GRID2: variants seen among roughly 807,000 people sequenced by gnomAD.
GRID2 encodes glutamate receptor ionotropic, delta-2.
In GRID2, 33 loss-of-function variants were observed where a neutral mutation model predicts 114.8. That is an observed-to-expected ratio of 0.29 (90% CI 0.22 to 0.38). The LOEUF (loss-of-function observed/expected upper bound fraction) is 0.38. Among genes scored for constraint, GRID2 ranks in the 10% least tolerant of loss-of-function variants. The probability of loss-of-function intolerance (pLI) is 1.00; values close to 1 mark genes in which losing one functional copy is unlikely to be tolerated. For synonymous variants in GRID2, 505 were observed against 449.9 expected (o/e 1.12, Z -1.55); for missense variants, 1,184 against 1,257.7 (o/e 0.94, Z 0.89).
At chr4:93,407,160 G>A (rs1416082918) in intron 9 of GRID2, among the ~76,000 whole-genome samples, 1 of 152,108 alleles carries the variant, frequency 6.6e-6, no homozygotes, top group East Asian at 1.9e-4. Flanking sequence ...AAGAGGTTTT[G>A]ACCAATAGAG....
At chr4:93,570,178 C>T (rs1735809085) in intron 13 of GRID2, among the ~76,000 whole-genome samples, 1 of 152,176 alleles carries the variant, frequency 6.6e-6, no homozygotes, top group African/African-American at 2.4e-5. Context: ...TACTTGTCCA[C>T]AGTCACACAA....
At chr4:93,105,481 T>G (rs1208362297) in intron 3 of GRID2, among the ~76,000 whole-genome samples, 5 of 152,184 alleles carry the variant, frequency 3.3e-5, no homozygotes, top group African/African-American at 9.7e-5. Flanking sequence ...AATTAATTTT[T>G]GTATAAGGTG....
intron 1 of GRID2, among the ~76,000 whole-genome samples, chr4:93,802,121 C>T (rs776284955): frequency 6.6e-5 from 10 of 152,212 alleles, no homozygotes; most frequent in East Asian, 1.9e-4. Flanking sequence ...TTCTTTCTGC[C>T]GCAGGGCGTG....
intron 2 of GRID2, among the ~76,000 whole-genome samples, chr4:92,748,396 C>G (rs971007716): frequency 6.6e-6 from 1 of 152,064 alleles, no homozygotes; most frequent in African/African-American, 2.4e-5. Flanking sequence ...TTTCCCGCTA[C>G]TTTCCCAGGG....
intron 2 of GRID2, among the ~76,000 whole-genome samples, chr4:92,826,312 T>C (rs2149393204): frequency 6.6e-6 from 1 of 152,240 alleles, no homozygotes; most frequent in South Asian, 2.1e-4. Context: ...TAAGACTCTT[T>C]TGCTCTTTAC....
intron 12 of GRID2, among the ~76,000 whole-genome samples, chr4:93,493,356 TATC>T (rs1458596852): frequency 6.6e-6 from 1 of 151,770 alleles, no homozygotes; most frequent in Non-Finnish European, 1.5e-5. Flanking sequence ...ATATTACAAA[TATC>T]ATCTCATTTA....
chr4:93,712,083 C>T (rs1443117755), intron 14 of GRID2, among the ~76,000 whole-genome samples: 1 of 151,978 alleles, frequency 6.6e-6, no homozygotes, highest in Non-Finnish European at 1.5e-5. Flanking sequence ...TATCTTCCAC[C>T]ATTTTTGGCT....
intron 1 of GRID2, among the ~76,000 whole-genome samples, chr4:92,447,644 A>G (rs372831444): frequency 5.9e-5 from 9 of 152,230 alleles, no homozygotes; most frequent in African/African-American, 2.2e-4. Flanking sequence ...TTTATTTTTC[A>G]CAGTTTTGGA....
intron 1 of GRID2, among the ~76,000 whole-genome samples, chr4:92,432,125 G>A (rs1227219573): frequency 6.6e-6 from 1 of 152,106 alleles, no homozygotes; most frequent in African/African-American, 2.4e-5. Context: ...TGATTTGCCT[G>A]GAGCTAGGGG....
chr4:92,368,881 C>G (rs772032409), intron 1 of GRID2, among the ~76,000 whole-genome samples: 2 of 149,446 alleles, frequency 1.3e-5, no homozygotes, highest in Non-Finnish European at 3.0e-5. Flanking sequence ...GGAACTGACA[C>G]TTATGTAGCT....
intron 8 of GRID2, among the ~76,000 whole-genome samples, chr4:93,276,333 C>A (rs1442219113): frequency 1.3e-5 from 2 of 151,988 alleles, no homozygotes; most frequent in Non-Finnish European, 2.9e-5. Flanking sequence ...TACCAGTCCC[C>A]ACTATCTTGA....
intron 14 of GRID2, among the ~76,000 whole-genome samples, chr4:93,661,200 G>A (rs973337601): frequency 6.6e-6 from 1 of 152,306 alleles, no homozygotes. Flanking sequence ...CTCCAAATCA[G>A]TTCTTGCATT....
At chr4:92,781,203 A>G (rs1219153606) in intron 2 of GRID2, among the ~76,000 whole-genome samples, 1 of 151,956 alleles carries the variant, frequency 6.6e-6, no homozygotes, top group Non-Finnish European at 1.5e-5. Flanking sequence ...CTGAGATCAC[A>G]CCACTGCACT....
chr4:93,478,017 C>CT (rs1299865821), intron 11 of GRID2, among the ~76,000 whole-genome samples: 1 of 152,022 alleles, frequency 6.6e-6, no homozygotes, highest in Non-Finnish European at 1.5e-5. Flanking sequence ...TTTACTGTTA[C>CT]TTAACATACA....
intron 2 of GRID2, among the ~76,000 whole-genome samples, chr4:92,916,954 G>A (rs1748853942): frequency 6.6e-6 from 1 of 152,130 alleles, no homozygotes; most frequent in South Asian, 2.1e-4. Context: ...TTCCACAATG[G>A]TTGAACTAGT....
At chr4:92,999,569 T>C (rs928338830) in intron 2 of GRID2, among the ~76,000 whole-genome samples, 1 of 151,758 alleles carries the variant, frequency 6.6e-6, no homozygotes, top group African/African-American at 2.4e-5. Context: ...GGTTACTGCA[T>C]AATTTTATTA....
At chr4:92,397,338 T>TTGTGTG (rs1227002294) in intron 1 of GRID2, among the ~76,000 whole-genome samples, 2 of 124,188 alleles carry the variant, frequency 1.6e-5, no homozygotes, top group African/African-American at 6.8e-5. Flanking sequence ...CTCTGTGTGT[T>TTGTGTG]TGTATGTGTG....
chr4:92,319,586 G>A (rs1366735894), intron 1 of GRID2, among the ~76,000 whole-genome samples: 5 of 152,164 alleles, frequency 3.3e-5, no homozygotes, highest in Admixed American at 2.6e-4. Flanking sequence ...CTGCCTCTTG[G>A]AAAATAGTTA....
intron 12 of GRID2, among the ~76,000 whole-genome samples, chr4:93,499,623 G>A (rs757188516): frequency 1.3e-5 from 2 of 151,766 alleles, no homozygotes; most frequent in South Asian, 4.2e-4. Context: ...GGCAGAATTA[G>A]CCATTACTAC....
Sources: gnomAD v4.1 joint callset for allele counts (sites outside exome capture counted in the v4.1 genomes callset) on GRCh38, gnomAD v4.1.1 for gene constraint, MANE v1.5 for transcripts, NCBI Gene and HGNC (gene_info 2026-07-23, HGNC 2026-07-21) for gene names.